The following MORN1 variants were observed in gnomAD, a reference collection of about 807,000 sequenced individuals.
MORN1 encodes MORN repeat-containing protein 1.
A neutral mutation model predicts 61.9 loss-of-function variants in MORN1; 67 were observed. The ratio of observed to expected loss-of-function variants is 1.08; its 90% confidence interval spans 0.89 to 1.33. The LOEUF (loss-of-function observed/expected upper bound fraction) is 1.33. Among genes scored for constraint, MORN1 ranks in the 40% most tolerant of loss-of-function variants. MORN1 has a pLI of 0.00. For synonymous variants in MORN1, 301 were observed against 292.0 expected (o/e 1.03, Z -0.31); for missense variants, 752 against 691.2 (o/e 1.09, Z -0.99).
chr1:2,327,696 G>A (rs999022523), intron 12 of MORN1, among the ~76,000 whole-genome samples: 1 of 152,270 alleles, frequency 6.6e-6, no homozygotes, highest in South Asian at 2.1e-4. Context: ...GGCACAGGGG[G>A]AGGGCCACGA....
chr1:2,366,375 C>T (rs955973667), intron 8 of MORN1, among the ~76,000 whole-genome samples: 3 of 151,828 alleles, frequency 2.0e-5, no homozygotes, highest in East Asian at 1.9e-4. Context: ...ATACTTAATG[C>T]TAAATGACCA....
chr1:2,387,267 G>A, intron 4 of MORN1, 152 bp downstream of exon 4: 1 of 670,496 alleles, frequency 1.5e-6, no homozygotes, highest in East Asian at 2.6e-5. Context: ...TGGCCTGGTG[G>A]TGCGGAGAAG....
chr1:2,368,325 C>G (rs1312549486), intron 8 of MORN1, among the ~76,000 whole-genome samples: 2 of 152,200 alleles, frequency 1.3e-5, no homozygotes, highest in Non-Finnish European at 2.9e-5. Context: ...GGGCTGCCCC[C>G]CAGGCAGAAA....
chr1:2,342,233 C>T (rs1214477671), intron 10 of MORN1, among the ~76,000 whole-genome samples: 3 of 152,190 alleles, frequency 2.0e-5, no homozygotes, highest in East Asian at 1.9e-4. Flanking sequence ...CTTTTTACGG[C>T]GGACTCAATT....
rs114006658 is a variant in MORN1, at chr1:2,322,830, A to C, written c.1298-1251T>G. The C allele has an allele frequency of 3.4e-5, 33 of 984,920 alleles. No homozygotes were observed. In the African/African-American group the frequency reaches 5.6e-4, roughly 17 times the overall value. The allele number at this position is 984,920 out of a possible 1,614,324, so 61.0% of individuals were successfully genotyped here. A position where few individuals can be genotyped will look rare whatever the true frequency, so the allele number is the denominator to read the frequency against. ...CCGGCCACAGGCCCCATCTGACCCC[A>C]CTCCTGAGGCTGGCGTCCCGGCGGA... On this transcript the variant is annotated intron_variant, in intron 13 of 13. Transcript: ENST00000378531.
chr1:2,322,927 A>G (rs1249315649), intron 13 of MORN1: 1 of 985,270 alleles, frequency 1.0e-6, no homozygotes, highest in Non-Finnish European at 1.2e-6. Flanking sequence ...CGGCCACGTG[A>G]TCTAGCCCTG....
At chr1:2,329,148 G>A (rs1284424575) in intron 12 of MORN1, among the ~76,000 whole-genome samples, 1 of 152,278 alleles carries the variant, frequency 6.6e-6, no homozygotes, top group Non-Finnish European at 1.5e-5. Flanking sequence ...GGCCCTTGCC[G>A]GTGTGGGTGT....
intron 10 of MORN1, among the ~76,000 whole-genome samples, chr1:2,338,192 C>A (rs530938091): frequency 5.1e-4 from 77 of 152,280 alleles, no homozygotes; most frequent in African/African-American, 1.3e-3. Context: ...CTAGGGAGAG[C>A]CAGCCTCAGA....
At chr1:2,336,609 C>T in intron 11 of MORN1, 61 bp from the exon 12 acceptor site, 1 of 1,599,142 alleles carries the variant, frequency 6.3e-7, no homozygotes, top group Non-Finnish European at 8.5e-7. Flanking sequence ...CCTAGGAGCT[C>T]TGCTCCAACC....
intron 1 of MORN1, among the ~76,000 whole-genome samples, 188 bp downstream of exon 1, chr1:2,391,270 C>T (rs1293679999): frequency 6.6e-6 from 1 of 152,104 alleles, no homozygotes; most frequent in African/African-American, 2.4e-5. Context: ...GGGAAGGGTG[C>T]GAGCCGAGCC....
chr1:2,344,773 C>A (rs1423526015), intron 10 of MORN1, among the ~76,000 whole-genome samples: 1 of 152,242 alleles, frequency 6.6e-6, no homozygotes, highest in Admixed American at 6.5e-5. Context: ...CCTGCAGAGC[C>A]TGGGGGCAGG....
intron 12 of MORN1, chr1:2,326,122 G>C (rs1641021373): frequency 6.6e-6 from 1 of 152,194 alleles, no homozygotes; most frequent in Admixed American, 6.5e-5. Flanking sequence ...CTCGGAGAGA[G>C]CCAAGGGCTC....
chr1:2,347,712 C>T (rs1641546307), intron 10 of MORN1, among the ~76,000 whole-genome samples: 1 of 152,182 alleles, frequency 6.6e-6, no homozygotes, highest in African/African-American at 2.4e-5. Context: ...GACTGCGGGA[C>T]AGGGAGGTGG....
At chr1:2,339,407 A>G (rs1213940392) in intron 10 of MORN1, among the ~76,000 whole-genome samples, 3 of 152,166 alleles carry the variant, frequency 2.0e-5, no homozygotes, top group Non-Finnish European at 4.4e-5. Context: ...TCGGGGCTGC[A>G]GGCTGACCGC....
chr1:2,381,417 C>T (rs1642369405), intron 6 of MORN1, among the ~76,000 whole-genome samples: 1 of 152,188 alleles, frequency 6.6e-6, no homozygotes, highest in South Asian at 2.1e-4. Flanking sequence ...GGGACTGCTG[C>T]CACCAGTGAC....
intron 12 of MORN1, chr1:2,326,424 C>T (rs2645092): frequency 0.69 from 105,535 of 151,936 alleles, 37,817 homozygotes; most frequent in East Asian, 0.9. Flanking sequence ...TTTGAGAGAA[C>T]GGGCAGAGCC....
In MORN1 at chr1:2,388,268, C is replaced by T; in HGVS notation, c.218G>A (p.Gly73Glu). Residue 73 changes from glycine (G) to glutamate (E), a missense_variant, in exon 3 of 14, where the codon GGA (glycine) becomes GAA (glutamate). Coordinates refer to ENST00000378531, the MANE Select transcript of MORN1 (RefSeq NM_024848.3). ...EGAFVDGEIT[G>E]EGRRHWAWSG... Reference sequence around the variant, plus strand: ...CCAGGCCCAGTGCCGGCGGCCTTCTCCCGTGATCTCTCCGTCCACAAACGC... The same window carrying T: ...CCAGGCCCAGTGCCGGCGGCCTTCTTCCGTGATCTCTCCGTCCACAAACGC... 6.2e-7 allele frequency: 1 copy of T among 1,613,956 alleles called. No homozygotes were observed. Among genetic ancestry groups the T allele is most frequent in the Non-Finnish European group, 8.5e-7 (1 of 1,180,012 alleles).
At chr1:2,387,865 AC>A in intron 3 of MORN1, 1 of 432,664 alleles carries the variant, frequency 2.3e-6, no homozygotes. Context: ...AAACACCTCC[AC>A]TGAGAACCCA....
chr1:2,384,710 G>T (rs1642448370), intron 6 of MORN1, among the ~76,000 whole-genome samples: 1 of 152,226 alleles, frequency 6.6e-6, no homozygotes, highest in Admixed American at 6.5e-5. Flanking sequence ...TAAGTCAAAA[G>T]TGAGAGCCGC....
Sources: gnomAD v4.1 joint callset for allele counts (sites outside exome capture counted in the v4.1 genomes callset) on GRCh38, gnomAD v4.1.1 for gene constraint, MANE v1.5 for transcripts, NCBI Gene and HGNC (gene_info 2026-07-23, HGNC 2026-07-21) for gene names.